Variants in ATRNL1 observed in about 807,000 individuals in gnomAD.
ATRNL1 encodes attractin-like protein 1.
Under a neutral mutation model 182.7 loss-of-function variants are expected in ATRNL1, and 95 were observed. That is an observed-to-expected ratio of 0.52 (90% CI 0.44 to 0.62). ATRNL1 has a LOEUF of 0.62. Ranked by LOEUF, ATRNL1 falls within the 20% of genes least tolerant of loss-of-function variation. The pLI is 0.00. For missense variants in ATRNL1, 1,471 were observed against 1,679.5 expected (o/e 0.88, Z 2.17); for synonymous variants, 576 against 568.3 (o/e 1.01, Z -0.19).
intron 13 of ATRNL1, among the ~76,000 whole-genome samples, chr10:115,279,415 T>G (rs1270706356): frequency 6.6e-6 from 1 of 152,186 alleles, no homozygotes; most frequent in Non-Finnish European, 1.5e-5. Flanking sequence ...ATCTTGTTTG[T>G]TGATTTCTTA....
At chr10:115,150,085 G>A (rs1436692026) in intron 5 of ATRNL1, among the ~76,000 whole-genome samples, 1 of 151,880 alleles carries the variant, frequency 6.6e-6, no homozygotes. Flanking sequence ...GGATGTATGT[G>A]TCTAGGAATT....
chr10:115,431,129 A>G (rs1846140494), intron 21 of ATRNL1, among the ~76,000 whole-genome samples: 1 of 152,170 alleles, frequency 6.6e-6, no homozygotes, highest in African/African-American at 2.4e-5. Flanking sequence ...ATATTCTGCC[A>G]GGCACAGTGG....
intron 20 of ATRNL1, among the ~76,000 whole-genome samples, chr10:115,412,311 C>T (rs938710066): frequency 6.6e-6 from 1 of 152,042 alleles, no homozygotes; most frequent in Non-Finnish European, 1.5e-5. Flanking sequence ...TAGAAGCAGG[C>T]ATATGCCTAG....
chr10:115,601,130 C>G (rs1555015818), intron 26 of ATRNL1, among the ~76,000 whole-genome samples: 3 of 151,896 alleles, frequency 2.0e-5, no homozygotes, highest in Admixed American at 2.0e-4. Context: ...TTCTTTGGCT[C>G]ATGACTTACT....
intron 27 of ATRNL1, among the ~76,000 whole-genome samples, chr10:115,845,228 T>A (rs1453697580): frequency 6.6e-6 from 1 of 152,128 alleles, no homozygotes; most frequent in East Asian, 1.9e-4. Flanking sequence ...TTTGATTTTT[T>A]AAAATAGAAG....
chr10:115,113,813 C>T (rs1228822547), intron 1 of ATRNL1, among the ~76,000 whole-genome samples: 1 of 152,126 alleles, frequency 6.6e-6, no homozygotes, highest in Non-Finnish European at 1.5e-5. Context: ...CTAAGGGCAC[C>T]TATTTTTCTT....
intron 27 of ATRNL1, among the ~76,000 whole-genome samples, chr10:115,737,279 CCA>C (rs1491364090): frequency 2.5e-5 from 3 of 119,516 alleles, no homozygotes; most frequent in African/African-American, 8.6e-5. Context: ...TCCCCCCCCC[CCA>C]AAAAAAAAGG....
intron 28 of ATRNL1, among the ~76,000 whole-genome samples, chr10:115,912,334 TCTAA>T (rs782355958): frequency 2.6e-5 from 4 of 152,142 alleles, no homozygotes; most frequent in Non-Finnish European, 4.4e-5. Flanking sequence ...ATGACTGTAG[TCTAA>T]CTAGTAGTCA....
chr10:115,839,869 A>G (rs1316273202), intron 27 of ATRNL1, among the ~76,000 whole-genome samples: 2 of 152,186 alleles, frequency 1.3e-5, no homozygotes, highest in African/African-American at 2.4e-5. Context: ...CTTCTACATT[A>G]ATGAATGACA....
At chr10:115,642,819 A>G (rs1444668764) in intron 26 of ATRNL1, among the ~76,000 whole-genome samples, 2 of 152,206 alleles carry the variant, frequency 1.3e-5, no homozygotes, top group African/African-American at 4.8e-5. Context: ...AAATAGCCTG[A>G]GCAATTTTGA....
At chr10:115,939,053 A>G (rs903467773) in intron 28 of ATRNL1, among the ~76,000 whole-genome samples, 68 of 152,230 alleles carry the variant, frequency 4.5e-4, no homozygotes, top group Non-Finnish European at 7.3e-4. Context: ...GGTGATGGAT[A>G]TGTTAATTAG....
At chr10:115,461,475 G>A (rs545888012) in intron 21 of ATRNL1, among the ~76,000 whole-genome samples, 1 of 152,114 alleles carries the variant, frequency 6.6e-6, no homozygotes, top group South Asian at 2.1e-4. Context: ...TACATTATAT[G>A]AGAAATATTA....
chr10:115,839,933 TC>T (rs781993472), intron 27 of ATRNL1, among the ~76,000 whole-genome samples: 2 of 152,232 alleles, frequency 1.3e-5, no homozygotes, highest in Non-Finnish European at 2.9e-5. Context: ...TCTTGATTTT[TC>T]TAACTTTCCC....
At chr10:115,836,979 A>G (rs1272150850) in intron 27 of ATRNL1, among the ~76,000 whole-genome samples, 2 of 152,140 alleles carry the variant, frequency 1.3e-5, no homozygotes, top group African/African-American at 2.4e-5. Flanking sequence ...AATTAGTAGG[A>G]CCAACAGGGA....
intron 26 of ATRNL1, among the ~76,000 whole-genome samples, chr10:115,725,992 C>T (rs1947584535): frequency 6.6e-6 from 1 of 152,042 alleles, no homozygotes; most frequent in Non-Finnish European, 1.5e-5. Context: ...TAAATTGTTA[C>T]TTATTAACAG....
rs556462959 is a variant in ATRNL1, at chr10:115,396,935, C to T, written c.3269+2183C>T. The stretch of plus-strand genomic sequence containing the variant: ...GTTCTTAATGATAAAAGTACATTTT[C>T]CCCGTTCTCATTTATGGCTTTTTAT... On this transcript the variant is annotated intron_variant, in intron 20 of 28. Transcript: ENST00000355044. Among the ~76,000 whole-genome samples the T allele has an allele frequency of 2.0e-5, 3 of 151,938 alleles. No individual in the cohort carries two copies. The South Asian group carries it at 6.2e-4, about 31-fold the overall frequency.
intron 26 of ATRNL1, among the ~76,000 whole-genome samples, chr10:115,614,230 T>C (rs1282150161): frequency 2.0e-5 from 3 of 152,140 alleles, no homozygotes; most frequent in Admixed American, 2.0e-4. Flanking sequence ...GTTTTCTATT[T>C]TCACTTGTTT....
chr10:115,540,635 C>T (rs1852299451), intron 25 of ATRNL1, among the ~76,000 whole-genome samples: 3 of 151,814 alleles, frequency 2.0e-5, no homozygotes, highest in African/African-American at 7.3e-5. Flanking sequence ...TAGCACACGC[C>T]TATAATCCTA....
At chr10:115,651,571 G>A (rs1555034340) in intron 26 of ATRNL1, among the ~76,000 whole-genome samples, 1 of 152,004 alleles carries the variant, frequency 6.6e-6, no homozygotes, top group East Asian at 1.9e-4. Context: ...CTTCATGTTT[G>A]TTTAGCTTCC....
Sources: allele counts gnomAD v4.1 joint callset (sites outside exome capture counted in the v4.1 genomes callset), GRCh38; gene constraint gnomAD v4.1.1; transcripts MANE v1.5; gene names NCBI Gene and HGNC (gene_info 2026-07-23, HGNC 2026-07-21).